ESYT2: variants seen among roughly 807,000 people sequenced by gnomAD.
The protein encoded by ESYT2 is extended synaptotagmin 2.
ESYT2 carries 54 observed loss-of-function variants against 107.2 expected under a neutral mutation model. The observed-to-expected ratio is 0.50, with a 90% CI of 0.40 to 0.63. The LOEUF is 0.63. ESYT2 is among the 30% of genes least tolerant of loss of function. The pLI, the probability that ESYT2 is intolerant of heterozygous loss-of-function variation, is 0.00. For synonymous variants in ESYT2, 491 were observed against 434.1 expected (o/e 1.13, Z -1.63); for missense variants, 1,020 against 1,094.5 (o/e 0.93, Z 0.96).
At position 158,762,961 on chromosome 7, in the gene ESYT2, C is replaced by A. The variant is rs111861655; in HGVS notation, c.1184+122G>T. 1,033 of 607,122 alleles carry A rather than the reference C, an allele frequency of 1.7e-3. 7 individuals carry two copies. The African/African-American group carries it at 0.018, about 10-fold the overall frequency. 37.6% of individuals were successfully genotyped at this position (607,122 alleles called of 1,614,324 possible). On this transcript the variant is annotated intron_variant, in intron 10 of 22. Coordinates refer to ENST00000275418, the MANE Select transcript of ESYT2 (RefSeq NM_001367773.1). Reference sequence around the variant, plus strand: ...ATCCAAGGTGAAACAATTGTTATATCTAAGAACCATTTAATGAATAGACAA... The same window carrying A: ...ATCCAAGGTGAAACAATTGTTATATATAAGAACCATTTAATGAATAGACAA...
chr7:158,784,380 C>A (rs1839036209), intron 6 of ESYT2, among the ~76,000 whole-genome samples: 1 of 152,238 alleles, frequency 6.6e-6, no homozygotes, highest in Non-Finnish European at 1.5e-5. Flanking sequence ...CTACCCCCAG[C>A]TGGTCCAGGG....
At chr7:158,806,702 TCA>T (rs901229507) in intron 1 of ESYT2, among the ~76,000 whole-genome samples, 3 of 152,324 alleles carry the variant, frequency 2.0e-5, no homozygotes, top group Non-Finnish European at 1.5e-5. Flanking sequence ...AAAAGAAAGG[TCA>T]CACAATTATT....
chr7:158,829,280 G>C lies in ESYT2; in HGVS notation c.139C>G (p.Leu47Val). 6.6e-7 allele frequency: 1 copy of C among 1,516,236 alleles called. No individual in the cohort carries two copies. The highest frequency in any genetic ancestry group is 1.4e-5 in the African/African-American group (1 of 69,762). 93.9% of individuals were successfully genotyped at this position (1,516,236 alleles called of 1,614,324 possible). The change falls in exon 1 of 23, where the codon CTG becomes GTG. Residue 47 changes from leucine (L) to valine (V), a missense_variant. By Grantham distance (32) the Leu-to-Val change is conservative. Coordinates refer to ENST00000275418, the MANE Select transcript of ESYT2 (RefSeq NM_001367773.1). ...TAGCCCAGCGCGTACACGGGCAGCA[G>C]CAGCGCGAAGCTCCGCGCCAGCTGC... ...LAQLARSFAL[L>V]LPVYALGYLG... is the part of the protein sequence containing the mutation.
intron 3 of ESYT2, among the ~76,000 whole-genome samples, chr7:158,794,676 T>G (rs1284835935): frequency 6.7e-6 from 1 of 149,478 alleles, no homozygotes; most frequent in Non-Finnish European, 1.5e-5. Flanking sequence ...CTCGGGAGGC[T>G]GTGGTAGGGG....
intron 19 of ESYT2, among the ~76,000 whole-genome samples, chr7:158,738,205 G>C (rs774766533): frequency 6.6e-6 from 1 of 151,612 alleles, no homozygotes. Context: ...CCACCTACTC[G>C]GGTGGCTGAG....
intron 1 of ESYT2, among the ~76,000 whole-genome samples, chr7:158,813,046 G>A (rs1056830372): frequency 1.3e-5 from 2 of 152,216 alleles, no homozygotes; most frequent in Non-Finnish European, 2.9e-5. Context: ...AAATGGCACT[G>A]AATTGTGTCC....
At chr7:158,767,598 G>C in intron 8 of ESYT2, 56 bp downstream of exon 8, 1 of 1,580,138 alleles carries the variant, frequency 6.3e-7, no homozygotes, top group South Asian at 1.2e-5. Flanking sequence ...CACACCCGCA[G>C]GCAGGCAGGT....
At chr7:158,748,453 T>C (rs1261416156) in intron 15 of ESYT2, among the ~76,000 whole-genome samples, 173 bp from the exon 16 acceptor site, 2 of 152,204 alleles carry the variant, frequency 1.3e-5, no homozygotes, top group African/African-American at 2.4e-5. Context: ...AGGTATGCAC[T>C]ATTATGTATT....
intron 16 of ESYT2, among the ~76,000 whole-genome samples, chr7:158,744,646 G>T (rs1000231625): frequency 6.6e-6 from 1 of 152,168 alleles, no homozygotes; most frequent in African/African-American, 2.4e-5. Flanking sequence ...TTACAGGTGT[G>T]AGCCACCATG....
chr7:158,794,336 G>C (rs1839397472), intron 3 of ESYT2, among the ~76,000 whole-genome samples: 1 of 152,094 alleles, frequency 6.6e-6, no homozygotes, highest in South Asian at 2.1e-4. Context: ...TCTACAAAAA[G>C]TAAAAAAAAT....
intron 14 of ESYT2, among the ~76,000 whole-genome samples, chr7:158,750,828 CAAGT>C (rs1346064324): frequency 1.3e-5 from 2 of 152,160 alleles, no homozygotes; most frequent in Admixed American, 1.3e-4. Flanking sequence ...CAGGCATGGC[CAAGT>C]AACTAAGTTC....
In ESYT2 at chr7:158,829,301, G is replaced by C. The variant is rs1367521776; in HGVS notation, c.118C>G (p.Leu40Val). Residue 40 changes from leucine (L) to valine (V), a missense_variant, in exon 1 of 23, where the codon CTG (leucine) becomes GTG (valine). Physicochemically the swap from Leu to Val is conservative, Grantham distance 32 (BLOSUM62 1). Transcript: ENST00000275418. Reference protein sequence around the residue: ...SVELPGLLAQLARSFALLLPV... With the variant: ...SVELPGLLAQVARSFALLLPV... The stretch of plus-strand genomic sequence containing the variant: ...AGCAGCAGCGCGAAGCTCCGCGCCA[G>C]CTGCGCCAGCAGCCCGGGCAGCTCC... 6.6e-6 allele frequency: 10 copies of C among 1,506,674 alleles called. No homozygotes were observed. Among genetic ancestry groups the C allele is most frequent in the Non-Finnish European group, 7.9e-6 (9 of 1,136,194 alleles). 93.3% of individuals were successfully genotyped at this position (1,506,674 alleles called of 1,614,324 possible). A position where few individuals can be genotyped will look rare whatever the true frequency, so the allele number is the denominator to read the frequency against.
chr7:158,742,315 T>A (rs1187028886), intron 17 of ESYT2, among the ~76,000 whole-genome samples: 1 of 152,194 alleles, frequency 6.6e-6, no homozygotes, highest in Non-Finnish European at 1.5e-5. Context: ...AAGCTGACCC[T>A]CTGGTGCCAC....
chr7:158,822,533 T>C (rs1840314936), intron 1 of ESYT2, among the ~76,000 whole-genome samples: 1 of 152,138 alleles, frequency 6.6e-6, no homozygotes, highest in African/African-American at 2.4e-5. Flanking sequence ...AGTGCTGAGA[T>C]AGGAGGATCA....
At position 158,739,047 on chromosome 7, in the gene ESYT2, A is replaced by G; in HGVS notation, c.2243T>C (p.Leu748Pro). 1 of 1,614,060 alleles carries G rather than the reference A, an allele frequency of 6.2e-7. No homozygotes were observed. Among genetic ancestry groups the G allele is most frequent in the Non-Finnish European group, 8.5e-7 (1 of 1,179,968 alleles). ...CCTGCAGGCATGCACGACCACGATA[A>G]GCTTGTTTCTCTGCGAGCTGTGCCG... ...TIRHSSQRNK[L>P]IVVVHACRNL... The change falls in exon 19 of 23, where the codon CTT becomes CCT. Residue 748 changes from leucine (L) to proline (P), a missense_variant. Coordinates refer to ENST00000275418, the MANE Select transcript of ESYT2 (RefSeq NM_001367773.1).
At chr7:158,782,545 G>C (rs201357235) in intron 6 of ESYT2, among the ~76,000 whole-genome samples, 1 of 64,978 alleles carries the variant, frequency 1.5e-5, no homozygotes, top group South Asian at 4.2e-4. Flanking sequence ...GAAAATGAGT[G>C]TGAGAAGCAG....
At chr7:158,784,603 G>A (rs372342678) in intron 6 of ESYT2, among the ~76,000 whole-genome samples, 89 of 152,332 alleles carry the variant, frequency 5.8e-4, no homozygotes, top group African/African-American at 2.0e-3. Flanking sequence ...GAAGGCTTTC[G>A]AATTCCTGGT....
intron 6 of ESYT2, among the ~76,000 whole-genome samples, chr7:158,773,860 C>G (rs1838459310): frequency 6.6e-6 from 1 of 152,172 alleles, no homozygotes; most frequent in African/African-American, 2.4e-5. Flanking sequence ...CATTCCCAAC[C>G]AAAGTGTATG....
chr7:158,773,448 G>A (rs925597157), intron 6 of ESYT2, 52 bp from the exon 7 acceptor site: 3 of 1,569,162 alleles, frequency 1.9e-6, no homozygotes, highest in Non-Finnish European at 2.6e-6. Flanking sequence ...TCCAATTATT[G>A]AATCAGGTGC....
Sources: gnomAD v4.1 joint callset for allele counts (sites outside exome capture counted in the v4.1 genomes callset) on GRCh38, gnomAD v4.1.1 for gene constraint, MANE v1.5 for transcripts, NCBI Gene and HGNC (gene_info 2026-07-23, HGNC 2026-07-21) for gene names.